The following ANO2 variants were observed in gnomAD, a reference collection of about 807,000 sequenced individuals.
The protein encoded by ANO2 is anoctamin 2.
Under a neutral mutation model 124.2 loss-of-function variants are expected in ANO2, and 101 were observed. The observed-to-expected ratio is 0.81, with a 90% CI of 0.69 to 0.96. ANO2 has a LOEUF of 0.96. Ranked by LOEUF, ANO2 falls within the 40% of genes least tolerant of loss-of-function variation. The pLI is 0.00. For missense variants in ANO2, 1,293 were observed against 1,274.5 expected, an observed-to-expected ratio of 1.01 and a Z score of -0.22; for synonymous variants, 486 against 482.5, an observed-to-expected ratio of 1.01 and a Z score of -0.09.
chr12:5,586,843 T>G (rs141665818), intron 20 of ANO2, among the ~76,000 whole-genome samples: 2 of 152,346 alleles, frequency 1.3e-5, no homozygotes, highest in Non-Finnish European at 2.9e-5. Flanking sequence ...TTGTCTAATA[T>G]ATGGGGTAGT....
At chr12:5,818,056 A>T (rs911581575) in intron 7 of ANO2, among the ~76,000 whole-genome samples, 58 of 152,150 alleles carry the variant, frequency 3.8e-4, no homozygotes, top group African/African-American at 1.3e-3. Flanking sequence ...GAAGATGAAG[A>T]CTGAGAAGAA....
chr12:5,611,924 A>G lies in ANO2; in HGVS notation c.2087+732T>C, dbSNP rs539619185. ...CTCTCAGTTACCCCTGGGCATCTCT[A>G]TCATTCCCTAGCTTTCTGATGCTGG... On this transcript the variant is annotated intron_variant, in intron 19 of 24. Transcript: ENST00000682330. Among the ~76,000 whole-genome samples the G allele has an allele frequency of 2.6e-5, 4 of 152,268 alleles. No homozygotes were observed. In the South Asian group the frequency reaches 8.3e-4, roughly 32 times the overall value.
At chr12:5,723,638 G>A (rs1950324961) in intron 14 of ANO2, among the ~76,000 whole-genome samples, 1 of 151,594 alleles carries the variant, frequency 6.6e-6, no homozygotes, top group African/African-American at 2.4e-5. Flanking sequence ...CGGGGGCGCG[G>A]GTAGAGAAAG....
chr12:5,637,969 C>T (rs907547054), intron 15 of ANO2, among the ~76,000 whole-genome samples: 1 of 152,068 alleles, frequency 6.6e-6, no homozygotes. Context: ...TGCTGAAGTC[C>T]ACAAGGTGTG....
intron 10 of ANO2, among the ~76,000 whole-genome samples, chr12:5,768,597 C>A (rs189233515): frequency 1.3e-5 from 2 of 152,346 alleles, no homozygotes; most frequent in Admixed American, 6.5e-5. Context: ...GGAGGACTCA[C>A]AGCCACAGCC....
rs553028959 is a variant in ANO2, at chr12:5,779,142, G to A, written c.1055+20365C>T. Among the ~76,000 whole-genome samples the A allele has an allele frequency of 1.4e-4, 21 of 152,328 alleles. No individual in the cohort carries two copies. In the South Asian group the frequency reaches 4.1e-3, roughly 30 times the overall value. ...ATTCTATACCTAAAATGTGAAACCT[G>A]ATTGGTTGCTAATCTGATTAATTGT... On this transcript the variant is annotated intron_variant, in intron 10 of 24. Coordinates refer to ENST00000682330, the MANE Select transcript of ANO2 (RefSeq NM_001364791.2).
chr12:5,825,783 G>A (rs1953937718), intron 7 of ANO2, among the ~76,000 whole-genome samples: 1 of 152,160 alleles, frequency 6.6e-6, no homozygotes, highest in African/African-American at 2.4e-5. Context: ...CATGCCCTGT[G>A]ATTAAGGTCA....
intron 3 of ANO2, among the ~76,000 whole-genome samples, chr12:5,884,226 C>A (rs1219134283): frequency 1.3e-5 from 2 of 152,196 alleles, no homozygotes. Context: ...CTGCCACCAC[C>A]AGGACATTGC....
At chr12:5,601,470 G>A (rs780340408) in intron 19 of ANO2, among the ~76,000 whole-genome samples, 1 of 152,142 alleles carries the variant, frequency 6.6e-6, no homozygotes, top group Non-Finnish European at 1.5e-5. Flanking sequence ...GGAGCCTACA[G>A]ATTCTGAAGC....
intron 14 of ANO2, among the ~76,000 whole-genome samples, chr12:5,661,565 G>C (rs1176605583): frequency 6.6e-6 from 1 of 152,134 alleles, no homozygotes; most frequent in African/African-American, 2.4e-5. Context: ...GGGAAGAGGA[G>C]AGCTGGGGCT....
At chr12:5,737,563 T>C (rs1950923418) in intron 13 of ANO2, among the ~76,000 whole-genome samples, 1 of 152,192 alleles carries the variant, frequency 6.6e-6, no homozygotes, top group African/African-American at 2.4e-5. Flanking sequence ...ACTTAACTTG[T>C]CTCTGGCCCC....
At position 5,635,599 on chromosome 12, in the gene ANO2, TCACACACA is replaced by T. The variant is rs60128304; in HGVS notation, c.1621-260_1621-253del. On this transcript the variant is annotated intron_variant, in intron 15 of 24. Coordinates refer to ENST00000682330, the MANE Select transcript of ANO2 (RefSeq NM_001364791.2). The surrounding 1 kb of genome is among the most constrained non-coding windows in gnomAD (Gnocchi z 5.2). ...TTTTTGTCAGATTCCAAATGATTTA[TCACACACA>T]CACACACACACACACACACACAATA... is the stretch of plus-strand genomic sequence containing the variant. Among the ~76,000 whole-genome samples, 3 of 146,794 alleles carry T rather than the reference TCACACACA, an allele frequency of 2.0e-5. No homozygotes were observed. Among genetic ancestry groups the T allele is most frequent in the Admixed American group, 1.4e-4 (2 of 14,700 alleles).
chr12:5,808,807 G>C (rs1472198282), intron 7 of ANO2, among the ~76,000 whole-genome samples: 1 of 152,138 alleles, frequency 6.6e-6, no homozygotes, highest in Non-Finnish European at 1.5e-5. Flanking sequence ...CACATGCTCA[G>C]AGACCCGCAG....
chr12:5,682,830 A>G (rs1227778636), intron 14 of ANO2, among the ~76,000 whole-genome samples: 1 of 152,250 alleles, frequency 6.6e-6, no homozygotes, highest in Non-Finnish European at 1.5e-5. Flanking sequence ...CATCTAGCAG[A>G]TATCTATGAG....
chr12:5,603,501 G>T (rs965186467), intron 19 of ANO2, among the ~76,000 whole-genome samples: 1 of 152,146 alleles, frequency 6.6e-6, no homozygotes, highest in Non-Finnish European at 1.5e-5. Context: ...GATGGTAGAA[G>T]AAGAAAGAGA....
intron 19 of ANO2, among the ~76,000 whole-genome samples, chr12:5,610,072 TATATA>T (rs1944417835): frequency 7.4e-6 from 1 of 135,356 alleles, no homozygotes; most frequent in Non-Finnish European, 1.5e-5. Flanking sequence ...ATTTATGTTA[TATATA>T]ATATAAATAT....
At chr12:5,687,280 T>C (rs1948746745) in intron 14 of ANO2, among the ~76,000 whole-genome samples, 2 of 152,242 alleles carry the variant, frequency 1.3e-5, no homozygotes, top group South Asian at 4.1e-4. Context: ...AGGATTGCAC[T>C]GTTCACCACC....
At chr12:5,870,799 C>T (rs558586288) in intron 3 of ANO2, among the ~76,000 whole-genome samples, 1 of 152,328 alleles carries the variant, frequency 6.6e-6, no homozygotes, top group East Asian at 1.9e-4. Context: ...CTGCTGAATG[C>T]CAGTATTTAT....
chr12:5,818,447 TTATATATATATATATATA>T lies in ANO2; in HGVS notation c.892+9304_892+9321del, dbSNP rs57443240. On this transcript the variant is annotated intron_variant, in intron 7 of 24. Transcript: ENST00000682330. The stretch of plus-strand genomic sequence containing the variant: ...TGAGTTAATACTTAATAAACTCATA[TTATATATATATATATATA>T]TATATATATATATATATATATATAT... Among the ~76,000 whole-genome samples the T allele has an allele frequency of 5.7e-3, 476 of 82,936 alleles. 11 individuals are homozygous for T. The highest frequency in any genetic ancestry group is 0.013 in the African/African-American group (338 of 25,250). The allele number at this position is 82,936 out of a possible 152,430, so 54.4% of individuals were successfully genotyped here.
Sources: gnomAD v4.1 joint callset for allele counts (sites outside exome capture counted in the v4.1 genomes callset) on GRCh38, gnomAD v4.1.1 for gene constraint, Gnocchi (gnomAD v3.1) non-coding constraint, MANE v1.5 for transcripts, NCBI Gene and HGNC (gene_info 2026-07-23, HGNC 2026-07-21) for gene names.